Variants in AGBL4 observed in about 807,000 individuals in gnomAD.
The protein encoded by AGBL4 is cytosolic carboxypeptidase 6.
In AGBL4, 58 loss-of-function variants were observed where a neutral mutation model predicts 66.4. The observed-to-expected ratio is 0.87, with a 90% CI of 0.71 to 1.09. The LOEUF (loss-of-function observed/expected upper bound fraction) is 1.09. Among genes scored for constraint, AGBL4 ranks in the 50% least tolerant of loss-of-function variants. The pLI, the probability that AGBL4 is intolerant of heterozygous loss-of-function variation, is 0.00. For synonymous variants in AGBL4, 234 were observed against 222.9 expected, an observed-to-expected ratio of 1.05 and a Z score of -0.44; for missense variants, 579 against 631.0, an observed-to-expected ratio of 0.92 and a Z score of 0.88.
chr1:48,619,392 G>T (rs1043086778), intron 9 of AGBL4, among the ~76,000 whole-genome samples: 2 of 152,146 alleles, frequency 1.3e-5, no homozygotes, highest in African/African-American at 4.8e-5. Flanking sequence ...GGACATTCAC[G>T]CCGAGCCTTA....
intron 4 of AGBL4, among the ~76,000 whole-genome samples, chr1:49,113,410 ATT>A (rs35466088): frequency 1.2e-4 from 18 of 149,674 alleles, no homozygotes; most frequent in East Asian, 2.0e-4. Flanking sequence ...ACACCAGGCT[ATT>A]TTTTTTTTTG....
chr1:49,675,953 G>A (rs1646570375), intron 3 of AGBL4, among the ~76,000 whole-genome samples: 1 of 152,122 alleles, frequency 6.6e-6, no homozygotes, highest in Admixed American at 6.6e-5. Flanking sequence ...TGCAAGTTAT[G>A]TGAGAGTAGT....
intron 3 of AGBL4, among the ~76,000 whole-genome samples, chr1:49,294,503 A>T (rs1230407103): frequency 2.2e-4 from 34 of 152,192 alleles, no homozygotes; most frequent in Admixed American, 2.2e-3. Flanking sequence ...ACATCAGCTA[A>T]GTCTTCCCAA....
At position 48,689,440 on chromosome 1, in the gene AGBL4, C is replaced by T. The variant is rs547251519; in HGVS notation, c.635-26199G>A. On this transcript the variant is annotated intron_variant, in intron 6 of 13. Transcript: ENST00000371839. ...TCCTTCCTTCCTTTCTTCTTTCCTTCCCTCCCTCCCTCCCTCCCTCCTTCC... is the reference window on the plus strand; with the variant it reads ...TCCTTCCTTCCTTTCTTCTTTCCTTTCCTCCCTCCCTCCCTCCCTCCTTCC... 1.2e-4 allele frequency among the ~76,000 whole-genome samples: 17 copies of T among 141,020 alleles called. No individual in the cohort carries two copies. In the South Asian group the frequency reaches 3.9e-3, roughly 32 times the overall value. 92.5% of individuals were successfully genotyped at this position (141,020 alleles called of 152,430 possible). A position where few individuals can be genotyped will look rare whatever the true frequency, so the allele number is the denominator to read the frequency against.
intron 3 of AGBL4, among the ~76,000 whole-genome samples, chr1:49,471,253 A>G (rs1259725128): frequency 2.0e-5 from 3 of 151,980 alleles, no homozygotes; most frequent in African/African-American, 7.2e-5. Context: ...GTATCAAGGA[A>G]GCTTAAAGGT....
intron 1 of AGBL4, among the ~76,000 whole-genome samples, chr1:49,982,872 T>C (rs535702461): frequency 1.5e-4 from 23 of 152,272 alleles, no homozygotes; most frequent in African/African-American, 4.8e-4. Context: ...TCCTCTCTTC[T>C]GAGAGTTGAG....
At chr1:48,737,152 C>T (rs1212045441) in intron 6 of AGBL4, among the ~76,000 whole-genome samples, 1 of 152,112 alleles carries the variant, frequency 6.6e-6, no homozygotes, top group Non-Finnish European at 1.5e-5. Flanking sequence ...GGTGTGGTGG[C>T]ACGCACCTGT....
chr1:49,600,756 C>G (rs1404021050), intron 3 of AGBL4, among the ~76,000 whole-genome samples: 1 of 152,142 alleles, frequency 6.6e-6, no homozygotes, highest in Non-Finnish European at 1.5e-5. Context: ...ACCAGTTGTT[C>G]CTTTACATGT....
At chr1:48,543,682 G>A (rs561995195) in intron 11 of AGBL4, among the ~76,000 whole-genome samples, 3 of 152,326 alleles carry the variant, frequency 2.0e-5, no homozygotes, top group African/African-American at 7.2e-5. Context: ...AGATGGACAA[G>A]TGTTTGAGAA....
intron 8 of AGBL4, among the ~76,000 whole-genome samples, chr1:48,636,295 T>C (rs764759041): frequency 6.6e-5 from 10 of 152,268 alleles, no homozygotes; most frequent in Non-Finnish European, 1.3e-4. Context: ...ATGTAGTTCC[T>C]GCCATCTTTT....
At chr1:49,904,027 T>G (rs544801643) in intron 1 of AGBL4, among the ~76,000 whole-genome samples, 1 of 152,270 alleles carries the variant, frequency 6.6e-6, no homozygotes, top group East Asian at 1.9e-4. Context: ...TAAGGAAATA[T>G]GTATTAAATT....
chr1:49,841,823 G>C, intron 2 of AGBL4: 1 of 383,584 alleles, frequency 2.6e-6, no homozygotes, highest in Non-Finnish European at 4.8e-6. Flanking sequence ...AATCCCACCG[G>C]CACCACGGCC....
intron 9 of AGBL4, among the ~76,000 whole-genome samples, chr1:48,609,705 G>C (rs545120490): frequency 2.8e-4 from 43 of 152,156 alleles, no homozygotes; most frequent in Non-Finnish European, 4.0e-4. Context: ...TTACAGACAT[G>C]AGCCACCATG....
chr1:48,908,648 G>A (rs946313963), intron 5 of AGBL4, among the ~76,000 whole-genome samples: 2 of 152,142 alleles, frequency 1.3e-5, no homozygotes, highest in Non-Finnish European at 2.9e-5. Flanking sequence ...AATTAGAAGT[G>A]TTTTTTTCCA....
chr1:48,689,198 G>A (rs1231702686), intron 6 of AGBL4, among the ~76,000 whole-genome samples: 10 of 118,512 alleles, frequency 8.4e-5, no homozygotes, highest in Middle Eastern at 3.8e-3. Context: ...AGCGAGACCC[G>A]GTCTCAAAAA....
chr1:49,997,618 A>G (rs1028254681), intron 1 of AGBL4, among the ~76,000 whole-genome samples: 6 of 152,178 alleles, frequency 3.9e-5, no homozygotes, highest in Admixed American at 3.3e-4. Flanking sequence ...GAAGACTTCA[A>G]TACTCCACTG....
At chr1:48,716,927 C>T (rs1411832512) in intron 6 of AGBL4, among the ~76,000 whole-genome samples, 2 of 152,222 alleles carry the variant, frequency 1.3e-5, no homozygotes, top group Non-Finnish European at 2.9e-5. Context: ...GTGCGTAGCA[C>T]CAACTCACAT....
At chr1:49,754,174 CT>C (rs34595800) in intron 2 of AGBL4, among the ~76,000 whole-genome samples, 1 of 151,928 alleles carries the variant, frequency 6.6e-6, no homozygotes, top group Non-Finnish European at 1.5e-5. Context: ...AATTTTCAGC[CT>C]TTTTACACGG....
chr1:49,149,958 C>A lies in AGBL4; in HGVS notation c.377+95812G>T, dbSNP rs953282470. Among the ~76,000 whole-genome samples, 4 of 152,094 alleles carry A rather than the reference C, an allele frequency of 2.6e-5. No homozygotes were observed. The South Asian group carries it at 6.2e-4, about 24-fold the overall frequency. On this transcript the variant is annotated intron_variant, in intron 4 of 13. Transcript: ENST00000371839. The stretch of plus-strand genomic sequence containing the variant: ...GCACTCATTGAACAATAAACAAATA[C>A]CTAAGTATCTTCTCTACACATTATT...
Sources: allele counts gnomAD v4.1 joint callset (sites outside exome capture counted in the v4.1 genomes callset), GRCh38; gene constraint gnomAD v4.1.1; transcripts MANE v1.5; gene names NCBI Gene and HGNC (gene_info 2026-07-23, HGNC 2026-07-21).